Variants in CSPP1 observed in about 807,000 individuals in gnomAD.
CSPP1 encodes the protein centrosome and spindle pole associated protein 1.
Under a neutral mutation model 164.4 loss-of-function variants are expected in CSPP1, and 126 were observed. That is an observed-to-expected ratio of 0.77 (90% CI 0.66 to 0.89). The LOEUF is 0.89. Ranked by LOEUF, CSPP1 falls within the 40% of genes least tolerant of loss-of-function variation. CSPP1 has a pLI of 0.00. For synonymous variants in CSPP1, 472 were observed against 476.7 expected, an observed-to-expected ratio of 0.99 and a Z score of 0.13; for missense variants, 1,395 against 1,449.8, an observed-to-expected ratio of 0.96 and a Z score of 0.61.
chr8:67,088,547 T>TA (rs1321708838), intron 4 of CSPP1, among the ~76,000 whole-genome samples: 1 of 150,484 alleles, frequency 6.6e-6, no homozygotes, highest in Non-Finnish European at 1.5e-5. Context: ...TTCGGCCTCC[T>TA]AAAGTGCTGG....
Position 67,166,574 on chromosome 8 carries a change from T to A in CSPP1, c.2828+2066T>A, listed in dbSNP as rs571069450. On this transcript the variant is annotated intron_variant, in intron 24 of 30. Coordinates refer to ENST00000678616, the MANE Select transcript of CSPP1 (RefSeq NM_001382391.1). ...AAATGTTAATCCAAGGTGGTAATTT[T>A]CAGTGATTCAATAATTCTCCCATAG... Among the ~76,000 whole-genome samples, 39 of 152,332 alleles carry A rather than the reference T, an allele frequency of 2.6e-4. No homozygotes were observed. In the South Asian group the frequency reaches 8.1e-3, roughly 32 times the overall value.
rs1223208160 is a variant in CSPP1 at position 67,111,829 on chromosome 8, T to C, written c.1094-143T>C. On this transcript the variant is annotated intron_variant, in intron 9 of 30. Transcript: ENST00000678616. ...ACAAAAGAAATTGAAGAAGGACTGA[T>C]TCATGTGATTTTTTTCCTTCTGTAT... 5 of 487,960 alleles carry C rather than the reference T, an allele frequency of 1.0e-5. No homozygotes were observed. In the Admixed American group the frequency reaches 1.5e-4, roughly 15 times the overall value. 30.2% of individuals were successfully genotyped at this position (487,960 alleles called of 1,614,324 possible).
intron 21 of CSPP1, among the ~76,000 whole-genome samples, chr8:67,159,916 C>CTT: frequency 1.9e-5 from 1 of 52,220 alleles, no homozygotes; most frequent in South Asian, 8.7e-4. Flanking sequence ...TTCTTTCTTT[C>CTT]TTTCTTTCCT....
At position 67,086,060 on chromosome 8, in the gene CSPP1, CAT is replaced by C. The variant is rs1554562278; in HGVS notation, c.255_256del (p.His85GlnfsTer24). On this transcript the variant is annotated frameshift_variant, in exon 4 of 31. Transcript: ENST00000678616. LOFTEE classifies it high-confidence loss of function. ...PLGEDYERKKHKLKEELRQDY... is the reference protein window; with the variant it reads ...PLGEDYERKKXKLKEELRQDY... ...TGGAGAAGACTATGAACGGAAGAAA[CAT>C]AAATTAAAAGAAGAATTGCGGCAAG... 3.3e-6 allele frequency: 5 copies of C among 1,532,018 alleles called. No individual in the cohort carries two copies. The highest frequency in any genetic ancestry group is 4.5e-6 in the Non-Finnish European group (5 of 1,105,526). 94.9% of individuals were successfully genotyped at this position (1,532,018 alleles called of 1,614,324 possible). A position where few individuals can be genotyped will look rare whatever the true frequency, so the allele number is the denominator to read the frequency against.
chr8:67,124,411 CTAT>C (rs1819646138), intron 15 of CSPP1, among the ~76,000 whole-genome samples: 1 of 152,158 alleles, frequency 6.6e-6, no homozygotes, highest in Admixed American at 6.5e-5. Flanking sequence ...CTACTTGATG[CTAT>C]TATTGTCATA....
chr8:67,170,482 T>G (rs1427216623), intron 24 of CSPP1, among the ~76,000 whole-genome samples: 1 of 151,960 alleles, frequency 6.6e-6, no homozygotes, highest in African/African-American at 2.4e-5. Context: ...CTTAATTCTG[T>G]TGTTCACCGT....
chr8:67,108,997 C>T (rs1816255662), intron 9 of CSPP1, among the ~76,000 whole-genome samples: 1 of 152,152 alleles, frequency 6.6e-6, no homozygotes, highest in South Asian at 2.1e-4. Context: ...TTCAGGTCTT[C>T]TGTATTGTTT....
chr8:67,116,285 T>A (rs1055656240), intron 13 of CSPP1, among the ~76,000 whole-genome samples, 163 bp downstream of exon 13: 1 of 152,172 alleles, frequency 6.6e-6, no homozygotes, highest in Non-Finnish European at 1.5e-5. Context: ...TCTCTGCTAT[T>A]ATAAAAAAAG....
chr8:67,120,356 G>T (rs573561955), intron 15 of CSPP1, among the ~76,000 whole-genome samples: 2 of 152,290 alleles, frequency 1.3e-5, no homozygotes, highest in African/African-American at 2.4e-5. Flanking sequence ...GATCCCTGGA[G>T]ATTCCATATG....
chr8:67,129,746 T>C (rs143216102), intron 15 of CSPP1, among the ~76,000 whole-genome samples: 2 of 152,322 alleles, frequency 1.3e-5, no homozygotes, highest in African/African-American at 4.8e-5. Flanking sequence ...GCTAAATGAA[T>C]CTATACATAC....
chr8:67,065,049 C>A (rs928337875), intron 1 of CSPP1: 2 of 154,296 alleles, frequency 1.3e-5, no homozygotes, highest in Non-Finnish European at 2.9e-5. Context: ...GCCAGGCCCC[C>A]CCTGCTCCGT....
intron 25 of CSPP1, chr8:67,174,185 G>A (rs192899625): frequency 1.3e-5 from 2 of 152,032 alleles, no homozygotes; most frequent in Admixed American, 6.6e-5. Context: ...GGTTGGTATT[G>A]TTTTTTTAAT....
chr8:67,146,301 T>G (rs990260427), intron 17 of CSPP1, among the ~76,000 whole-genome samples: 1 of 151,912 alleles, frequency 6.6e-6, no homozygotes, highest in Non-Finnish European at 1.5e-5. Context: ...TTACAAAATT[T>G]TTTTTAGAGA....
At position 67,195,615 on chromosome 8, in the gene CSPP1, G is replaced by GT; in HGVS notation, c.*23dup. 1 of 1,603,274 alleles carries GT rather than the reference G, an allele frequency of 6.2e-7. No homozygotes were observed. Among genetic ancestry groups the GT allele is most frequent in the South Asian group, 1.1e-5 (1 of 90,796 alleles). ...TTAAAATAAACCTGTACTGGACCCA[G>GT]TAGTGCCTTTTAAGGTGAAAGGAAT... is the stretch of plus-strand genomic sequence containing the variant. On this transcript the variant is annotated 3_prime_UTR_variant, in exon 31 of 31. Transcript: ENST00000678616.
chr8:67,154,857 A>G (rs1339561485), intron 19 of CSPP1, among the ~76,000 whole-genome samples: 1 of 152,254 alleles, frequency 6.6e-6, no homozygotes, highest in African/African-American at 2.4e-5. Context: ...ATTTACTAAT[A>G]TATTCATCTA....
At chr8:67,181,698 T>G (rs999212643) in intron 28 of CSPP1, among the ~76,000 whole-genome samples, 1 of 152,190 alleles carries the variant, frequency 6.6e-6, no homozygotes, top group East Asian at 1.9e-4. Context: ...ACATAACATT[T>G]ACCATTTTAA....
At chr8:67,180,904 G>A (rs1357860565) in intron 28 of CSPP1, among the ~76,000 whole-genome samples, 1 of 151,940 alleles carries the variant, frequency 6.6e-6, no homozygotes, top group Non-Finnish European at 1.5e-5. Context: ...CTCTGATCAT[G>A]AGTGTTTCTG....
At chr8:67,118,956 T>C (rs748582856) in intron 15 of CSPP1, 135 bp downstream of exon 15, 4 of 639,038 alleles carry the variant, frequency 6.3e-6, no homozygotes, top group Non-Finnish European at 1.1e-5. Context: ...TGTGCAACCA[T>C]CACCACAATC....
At chr8:67,168,339 G>GGGGAGAGGGAGA (rs1189666856) in intron 24 of CSPP1, among the ~76,000 whole-genome samples, 14 of 149,728 alleles carry the variant, frequency 9.4e-5, no homozygotes, top group Non-Finnish European at 2.1e-4. Flanking sequence ...GGAGGGGGAG[G>GGGGAGAGGGAGA]GGGAGAGGGA....
Sources: allele counts gnomAD v4.1 joint callset (sites outside exome capture counted in the v4.1 genomes callset), GRCh38; gene constraint gnomAD v4.1.1; transcripts MANE v1.5; gene names NCBI Gene and HGNC (gene_info 2026-07-23, HGNC 2026-07-21).